The following TRIM13 variants were observed in gnomAD, a reference collection of about 807,000 sequenced individuals.
The protein encoded by TRIM13 is tripartite motif containing 13.
In TRIM13, 15 loss-of-function variants were observed where a neutral mutation model predicts 27.1. That is an observed-to-expected ratio of 0.55 (90% confidence interval 0.37 to 0.85). TRIM13 has a LOEUF of 0.85. Ranked by LOEUF, TRIM13 falls within the 40% of genes least tolerant of loss-of-function variation. TRIM13 has a pLI of 0.00. For missense variants in TRIM13, 402 were observed against 472.2 expected (o/e 0.85, Z 1.38); for synonymous variants, 193 against 171.5 (o/e 1.13, Z -0.98).
intron 1 of TRIM13, among the ~76,000 whole-genome samples, chr13:50,000,683 C>CA (rs1277077639): frequency 6.6e-6 from 1 of 152,072 alleles, no homozygotes; most frequent in Non-Finnish European, 1.5e-5. Flanking sequence ...ATAAAGACAC[C>CA]AAAATAATAG....
At position 50,012,076 on chromosome 13, in the gene TRIM13, T is replaced by A; in HGVS notation, c.136T>A (p.Leu46Met). The A allele has an allele frequency of 6.2e-7, 1 of 1,614,182 alleles. No homozygotes were observed. The highest frequency in any genetic ancestry group is 1.1e-5 in the South Asian group (1 of 91,086). The change falls in exon 2 of 2, where the codon TTG becomes ATG. Residue 46 changes from leucine (L) to methionine (M), a missense_variant. Coordinates refer to ENST00000378182, the MANE Select transcript of TRIM13 (RefSeq NM_213590.3). ...CTTAGAAGGGAGTGTGCGGAATTCC[T>A]TGTGGAGACCAGCTCCATTCAAGTG... ...GILEGSVRNS[L>M]WRPAPFKCPT...
rs1875932147 is a variant in TRIM13 at position 50,013,535 on chromosome 13, TTTTTTGAGATGGAGTCTTGCTCTGTC to T, written c.*372_*397del. 1 of 164,326 alleles carries T rather than the reference TTTTTTGAGATGGAGTCTTGCTCTGTC, an allele frequency of 6.1e-6. No individual in the cohort carries two copies. The highest frequency in any genetic ancestry group is 1.5e-5 in the Non-Finnish European group (1 of 68,308). The allele number at this position is 164,326 out of a possible 1,614,324, so 10.2% of individuals were successfully genotyped here. A position where few individuals can be genotyped will look rare whatever the true frequency, so the allele number is the denominator to read the frequency against. ...AAAGATCACTTTTTTTTTTTTTTTT[TTTTTTGAGATGGAGTCTTGCTCTGTC>T]GCCCAGGCTGGAGTGCAGTGATGCA... On this transcript the variant is annotated 3_prime_UTR_variant, in exon 2 of 2. Transcript: ENST00000378182.
chr13:49,998,986 A>G (rs888495121), intron 1 of TRIM13, among the ~76,000 whole-genome samples: 1 of 152,016 alleles, frequency 6.6e-6, no homozygotes, highest in Non-Finnish European at 1.5e-5. Flanking sequence ...TGAAAAGTCA[A>G]GCTGCAAGCA....
chr13:50,010,305 C>T (rs1875466914), intron 1 of TRIM13, among the ~76,000 whole-genome samples: 2 of 152,178 alleles, frequency 1.3e-5, no homozygotes, highest in African/African-American at 2.4e-5. Context: ...CCACTCTCTG[C>T]AGCCTTCCAG....
rs879170111 is a variant in TRIM13, at chr13:50,014,360, T to TATACAC, written c.*1197_*1198insTACACA. On this transcript the variant is annotated 3_prime_UTR_variant, in exon 2 of 2. Coordinates refer to ENST00000378182, the MANE Select transcript of TRIM13 (RefSeq NM_213590.3). ...AAAAAAAAAAATATATATATATATA[T>TATACAC]ACACACACACACACACATATGTACA... The TATACAC allele has an allele frequency of 1.2e-3, 70 of 58,558 alleles. 2 individuals are homozygous for TATACAC. In the East Asian group the frequency reaches 0.015, roughly 12 times the overall value. The allele number at this position is 58,558 out of a possible 1,614,324, so 3.6% of individuals were successfully genotyped here. A position where few individuals can be genotyped will look rare whatever the true frequency, so the allele number is the denominator to read the frequency against.
chr13:50,010,015 A>G (rs7984332), intron 1 of TRIM13, among the ~76,000 whole-genome samples: 25,564 of 149,904 alleles, frequency 0.17, 2,554 homozygotes, highest in African/African-American at 0.25. Flanking sequence ...AATATTATTT[A>G]AATAGCCTTT....
Position 50,013,296 on chromosome 13 carries a change from A to T in TRIM13, c.*132A>T. 1 of 950,904 alleles carries T rather than the reference A, an allele frequency of 1.1e-6. No homozygotes were observed. The highest frequency in any genetic ancestry group is 3.4e-5 in the Admixed American group (1 of 29,288). The allele number at this position is 950,904 out of a possible 1,614,324, so 58.9% of individuals were successfully genotyped here. A position where few individuals can be genotyped will look rare whatever the true frequency, so the allele number is the denominator to read the frequency against. Reference sequence around the variant, plus strand: ...TATTCCTTCCAAAAATAATCTATACATGTTCAAATTAGGTAGCATAAAGAT... The same window carrying T: ...TATTCCTTCCAAAAATAATCTATACTTGTTCAAATTAGGTAGCATAAAGAT... On this transcript the variant is annotated 3_prime_UTR_variant, in exon 2 of 2. Coordinates refer to ENST00000378182, the MANE Select transcript of TRIM13 (RefSeq NM_213590.3).
At chr13:50,005,028 A>G (rs975484068) in intron 1 of TRIM13, among the ~76,000 whole-genome samples, 1 of 151,436 alleles carries the variant, frequency 6.6e-6, no homozygotes, top group African/African-American at 2.4e-5. Flanking sequence ...GTGAGCCGAG[A>G]TGGTGCCATT....
intron 1 of TRIM13, among the ~76,000 whole-genome samples, chr13:50,006,704 C>T (rs1874759071): frequency 6.6e-6 from 1 of 152,084 alleles, no homozygotes; most frequent in South Asian, 2.1e-4. Flanking sequence ...GTCTTTATAG[C>T]CATTCTCTTT....
rs1460584985 is a variant in TRIM13, at chr13:50,016,440, G to T, written c.*3276G>T. On this transcript the variant is annotated 3_prime_UTR_variant, in exon 2 of 2. Transcript: ENST00000378182. The stretch of plus-strand genomic sequence containing the variant: ...GATTGTTTCAGTGGTTCACATAAAG[G>T]CTCGCTCACTGGTTTCTCTTGAGTT... 1.4e-5 allele frequency: 3 copies of T among 208,196 alleles called. No individual in the cohort carries two copies. Among genetic ancestry groups the T allele is most frequent in the Admixed American group, 5.5e-5 (1 of 18,252 alleles). 12.9% of individuals were successfully genotyped at this position (208,196 alleles called of 1,614,324 possible).
At chr13:50,006,183 G>C (rs934801310) in intron 1 of TRIM13, among the ~76,000 whole-genome samples, 1 of 151,984 alleles carries the variant, frequency 6.6e-6, no homozygotes, top group Non-Finnish European at 1.5e-5. Flanking sequence ...TTCATTTTAA[G>C]AGCTGTATGT....
chr13:50,003,093 G>T (rs1418210746), intron 1 of TRIM13, among the ~76,000 whole-genome samples: 1 of 152,154 alleles, frequency 6.6e-6, no homozygotes, highest in Non-Finnish European at 1.5e-5. Flanking sequence ...GAGAGGAAAT[G>T]ATTTTTTTTA....
rs1394833887 is a variant in TRIM13, at chr13:50,013,884, AAAG to A, written c.*721_*723del. On this transcript the variant is annotated 3_prime_UTR_variant, in exon 2 of 2. Transcript: ENST00000378182. ...TTTTTGACAGTGAACATGGTCTAAA[AAAG>A]GGAAGATATTGTAGAAGATTTCACA... 1.2e-5 allele frequency: 2 copies of A among 166,872 alleles called. No homozygotes were observed. The highest frequency in any genetic ancestry group is 2.4e-5 in the African/African-American group (1 of 41,350). The allele number at this position is 166,872 out of a possible 1,614,324, so 10.3% of individuals were successfully genotyped here.
rs1191769140 is a variant in TRIM13 at position 50,015,142 on chromosome 13, T to G, written c.*1978T>G. ...ATATATATATATATATATATATATA[T>G]ATATATATAGTTTTACTAGGTTTTC... On this transcript the variant is annotated 3_prime_UTR_variant, in exon 2 of 2. Coordinates refer to ENST00000378182, the MANE Select transcript of TRIM13 (RefSeq NM_213590.3). The G allele has an allele frequency of 1.6e-5, 2 of 121,666 alleles. No homozygotes were observed. Among genetic ancestry groups the G allele is most frequent in the Admixed American group, 9.9e-5 (1 of 10,054 alleles). 7.5% of individuals were successfully genotyped at this position (121,666 alleles called of 1,614,324 possible).
rs1876293526 is a variant in TRIM13, at chr13:50,015,093, AAATATATATATAT to A, written c.*1931_*1943del. 2.8e-4 allele frequency: 4 copies of A among 14,206 alleles called. No individual in the cohort carries two copies. Among genetic ancestry groups the A allele is most frequent in the South Asian group, 5.4e-3 (2 of 368 alleles). The allele number at this position is 14,206 out of a possible 1,614,324, so 0.9% of individuals were successfully genotyped here. On this transcript the variant is annotated 3_prime_UTR_variant, in exon 2 of 2. Coordinates refer to ENST00000378182, the MANE Select transcript of TRIM13 (RefSeq NM_213590.3). ...CCAGTAATAAAAAAAAAAAAAAAAA[AAATATATATATAT>A]ATATATATATATATATATATATATA...
chr13:50,001,653 TAAC>T (rs753827047), intron 1 of TRIM13, among the ~76,000 whole-genome samples: 29 of 152,216 alleles, frequency 1.9e-4, no homozygotes, highest in Non-Finnish European at 2.4e-4. Flanking sequence ...AAGAGCCACA[TAAC>T]AATTATTTTA....
At chr13:50,007,936 G>A (rs556371220) in intron 1 of TRIM13, among the ~76,000 whole-genome samples, 1 of 148,600 alleles carries the variant, frequency 6.7e-6, no homozygotes, top group Non-Finnish European at 1.5e-5. Context: ...ACAGAGTATT[G>A]CTGTGTTGCC....
In TRIM13 at chr13:50,012,067, C is replaced by T. The variant is rs1430870547; in HGVS notation, c.127C>T (p.Arg43Trp). Reference protein sequence around the residue: ...CLEGILEGSVRNSLWRPAPFK... With the variant: ...CLEGILEGSVWNSLWRPAPFK... ...AGAAGGTATCTTAGAAGGGAGTGTG[C>T]GGAATTCCTTGTGGAGACCAGCTCC... The change falls in exon 2 of 2, where the codon CGG (arginine) becomes TGG (tryptophan). Residue 43 changes from arginine to tryptophan, a missense_variant. Around this residue, in one of 2 missense-constraint regions of TRIM13, gnomAD observed 202 missense variants for 277.5 expected, o/e 0.73. Coordinates refer to ENST00000378182, the MANE Select transcript of TRIM13 (RefSeq NM_213590.3). 1.2e-5 allele frequency: 20 copies of T among 1,613,894 alleles called. No homozygotes were observed. Among genetic ancestry groups the T allele is most frequent in the South Asian group, 5.5e-5 (5 of 91,078 alleles).
rs1175394625 is a variant in TRIM13 at position 50,015,100 on chromosome 13, T to A, written c.*1936T>A. 6.1e-3 allele frequency: 19 copies of A among 3,120 alleles called. No homozygotes were observed. Among genetic ancestry groups the A allele is most frequent in the African/African-American group, 0.014 (18 of 1,300 alleles). 0.2% of individuals were successfully genotyped at this position (3,120 alleles called of 1,614,324 possible). A position where few individuals can be genotyped will look rare whatever the true frequency, so the allele number is the denominator to read the frequency against. ...TAAAAAAAAAAAAAAAAAAAATATA[T>A]ATATATATATATATATATATATATA... On this transcript the variant is annotated 3_prime_UTR_variant, in exon 2 of 2. Transcript: ENST00000378182.
Sources: allele counts gnomAD v4.1 joint callset (sites outside exome capture counted in the v4.1 genomes callset), GRCh38; gene constraint gnomAD v4.1.1; regional missense constraint gnomAD v4.1.1; transcripts MANE v1.5; gene names NCBI Gene and HGNC (gene_info 2026-07-23, HGNC 2026-07-21).